GRB10: variants seen among roughly 807,000 people sequenced by gnomAD.
GRB10 encodes the protein growth factor receptor-bound protein 10.
Under a neutral mutation model 80.9 loss-of-function variants are expected in GRB10, and 20 were observed. The ratio of observed to expected loss-of-function variants is 0.25; its 90% confidence interval spans 0.17 to 0.36. The LOEUF (loss-of-function observed/expected upper bound fraction) is 0.36. Among genes scored for constraint, GRB10 ranks in the 10% least tolerant of loss-of-function variants. The probability of loss-of-function intolerance (pLI) is 1.00; values close to 1 mark genes in which losing one functional copy is unlikely to be tolerated. For missense variants in GRB10, 548 were observed against 747.7 expected (o/e 0.73, Z 3.12); for synonymous variants, 291 against 291.5 (o/e 1.00, Z 0.02).
At chr7:50,672,938 A>G (rs2060513410) in intron 6 of GRB10, among the ~76,000 whole-genome samples, 1 of 152,214 alleles carries the variant, frequency 6.6e-6, no homozygotes, top group Admixed American at 6.5e-5. Flanking sequence ...GCATCAATGA[A>G]TATGACAAAA....
intron 7 of GRB10, among the ~76,000 whole-genome samples, chr7:50,649,775 C>T (rs368984731): frequency 6.6e-6 from 1 of 152,214 alleles, no homozygotes; most frequent in East Asian, 1.9e-4. Flanking sequence ...TGGATTTGTA[C>T]CTGAGTCCAA....
In GRB10 at chr7:50,775,356, GC is replaced by G. The variant is rs758117212; in HGVS notation, c.-217+5270del. On this transcript the variant is annotated intron_variant, in intron 2 of 18. Coordinates refer to ENST00000401949, the MANE Select transcript of GRB10 (RefSeq NM_001350814.2). ...TGTCCTGCCTTCCAGACACAATGGGGCAGGAGTTGGGTTCCCAAGGACCTGG... is the reference window on the plus strand; with the variant it reads ...TGTCCTGCCTTCCAGACACAATGGGGAGGAGTTGGGTTCCCAAGGACCTGG... Among the ~76,000 whole-genome samples the G allele has an allele frequency of 3.9e-5, 6 of 152,146 alleles. No individual in the cohort carries two copies. In the East Asian group the frequency reaches 9.6e-4, roughly 24 times the overall value.
intron 7 of GRB10, among the ~76,000 whole-genome samples, chr7:50,657,884 A>G (rs1296957584): frequency 1.3e-5 from 2 of 152,082 alleles, no homozygotes; most frequent in Non-Finnish European, 2.9e-5. Context: ...TCCTCCACTA[A>G]TTCTTTTTTT....
chr7:50,785,216 C>T (rs2078642769), upstream of GRB10, among the ~76,000 whole-genome samples: 3 of 152,220 alleles, frequency 2.0e-5, no homozygotes, highest in South Asian at 2.1e-4. Context: ...ACAGAGGCCA[C>T]AGTTAAATGC....
At chr7:50,793,417 G>C (rs1386827998) in exon 1 of GRB10, 2 of 148,098 alleles carry the variant, frequency 1.4e-5, no homozygotes, top group Admixed American at 1.3e-4. Flanking sequence ...CGCCGAGCCC[G>C]CCCGGCCGCA....
chr7:50,606,479 G>A (rs1184765024), intron 13 of GRB10, 65 bp from the exon 14 acceptor site: 10 of 1,141,384 alleles, frequency 8.8e-6, no homozygotes, highest in Admixed American at 5.1e-5. Context: ...TGTGACAAAC[G>A]CCACAGCAGG....
At chr7:50,663,416 C>T (rs1296953550) in intron 7 of GRB10, among the ~76,000 whole-genome samples, 3 of 152,242 alleles carry the variant, frequency 2.0e-5, no homozygotes, top group African/African-American at 7.2e-5. Context: ...CCATTTTCTC[C>T]TTTGCCTCCT....
Position 50,597,151 on chromosome 7 carries a change from T to C in GRB10, c.1545-1621A>G, listed in dbSNP as rs550633209. 4.6e-5 allele frequency among the ~76,000 whole-genome samples: 7 copies of C among 152,354 alleles called. No homozygotes were observed. The South Asian group carries it at 1.0e-3, about 23-fold the overall frequency. ...ACAGGACTTCTCAGAGCCTTAAATA[T>C]GTGAATATTCATGGTAACTGCCTAG... On this transcript the variant is annotated intron_variant, in intron 17 of 18. Coordinates refer to ENST00000401949, the MANE Select transcript of GRB10 (RefSeq NM_001350814.2).
intron 2 of GRB10, among the ~76,000 whole-genome samples, chr7:50,766,975 AAAC>A (rs1447192879): frequency 2.6e-5 from 4 of 152,252 alleles, no homozygotes; most frequent in African/African-American, 9.6e-5. Flanking sequence ...AATGGTTGGT[AAAC>A]AATGATTAAT....
rs2078423939 is a variant in GRB10 at position 50,782,618 on chromosome 7, C to CCGGGGCCT, written c.-529_-522dup. 2.0e-5 allele frequency: 3 copies of CCGGGGCCT among 151,442 alleles called. No individual in the cohort carries two copies. The highest frequency in any genetic ancestry group is 4.1e-4 in the South Asian group (2 of 4,838). 9.4% of individuals were successfully genotyped at this position (151,442 alleles called of 1,614,324 possible). A position where few individuals can be genotyped will look rare whatever the true frequency, so the allele number is the denominator to read the frequency against. ...GGGGCCTGCGGCGCAGAAAACCGAC[C>CCGGGGCCT]CGGGGCCTCGGGGCCACCGCGCGCC... On this transcript the variant is annotated 5_prime_UTR_variant, in exon 1 of 19. Coordinates refer to ENST00000401949, the MANE Select transcript of GRB10 (RefSeq NM_001350814.2). This position sits in a 1 kb window ranked among gnomAD's most constrained non-coding sequence, Gnocchi z 6.6.
At chr7:50,616,120 T>C (rs899205469) in intron 11 of GRB10, 90 bp downstream of exon 11, 5 of 1,473,762 alleles carry the variant, frequency 3.4e-6, no homozygotes, top group Non-Finnish European at 4.7e-6. Flanking sequence ...CTAAGGTGCA[T>C]TTAAAAATGA....
At chr7:50,628,777 T>A (rs1279805369) in intron 7 of GRB10, among the ~76,000 whole-genome samples, 1 of 152,184 alleles carries the variant, frequency 6.6e-6, no homozygotes, top group Non-Finnish European at 1.5e-5. Context: ...AGACTTGTTT[T>A]CAACTCTTAT....
At chr7:50,733,951 G>A (rs2070349397) in intron 3 of GRB10, among the ~76,000 whole-genome samples, 1 of 152,216 alleles carries the variant, frequency 6.6e-6, no homozygotes, top group South Asian at 2.1e-4. Context: ...GCTTAAGACT[G>A]TAGCAAACTC....
chr7:50,617,281 C>A (rs1158408965), intron 10 of GRB10, among the ~76,000 whole-genome samples: 1 of 152,150 alleles, frequency 6.6e-6, no homozygotes, highest in Non-Finnish European at 1.5e-5. Context: ...TTGGTGATAA[C>A]AACGTAGAAA....
At chr7:50,726,158 G>A (rs1429065419) in intron 4 of GRB10, 1 of 152,224 alleles carries the variant, frequency 6.6e-6, no homozygotes, top group Non-Finnish European at 1.5e-5. Context: ...AGACCTTTGG[G>A]AGGCAGAGAT....
intron 7 of GRB10, among the ~76,000 whole-genome samples, chr7:50,665,585 C>A (rs933034698): frequency 6.6e-6 from 1 of 152,208 alleles, no homozygotes; most frequent in Non-Finnish European, 1.5e-5. Flanking sequence ...TCAGGGCTCC[C>A]CCTGGCCAAA....
intron 7 of GRB10, among the ~76,000 whole-genome samples, chr7:50,651,171 G>GT (rs2057960395): frequency 1.3e-5 from 2 of 152,156 alleles, no homozygotes. Flanking sequence ...ATATTTCAGT[G>GT]TATGTGTATT....
At chr7:50,641,896 G>A (rs1429107585) in intron 7 of GRB10, among the ~76,000 whole-genome samples, 2 of 152,228 alleles carry the variant, frequency 1.3e-5, no homozygotes, top group Admixed American at 6.5e-5. Flanking sequence ...GCGCCGAGGA[G>A]GCAAGGGCGT....
intron 5 of GRB10, among the ~76,000 whole-genome samples, chr7:50,696,103 G>C (rs1471687350): frequency 6.6e-6 from 1 of 152,060 alleles, no homozygotes; most frequent in Non-Finnish European, 1.5e-5. Context: ...GATCAGTCTT[G>C]TCTTTCCCTA....
Sources: allele counts gnomAD v4.1 joint callset (sites outside exome capture counted in the v4.1 genomes callset), GRCh38; gene constraint gnomAD v4.1.1; non-coding constraint Gnocchi (gnomAD v3.1); transcripts MANE v1.5; gene names NCBI Gene and HGNC (gene_info 2026-07-23, HGNC 2026-07-21).